DCC: variants seen among roughly 807,000 people sequenced by gnomAD.
DCC encodes the protein DCC netrin 1 receptor.
A neutral mutation model predicts 172.5 loss-of-function variants in DCC; 58 were observed. The ratio of observed to expected loss-of-function variants is 0.34; its 90% CI spans 0.27 to 0.42. DCC has a LOEUF of 0.42. Among genes scored for constraint, DCC ranks in the 10% least tolerant of loss-of-function variants. DCC has a pLI of 1.00. For missense variants in DCC, 1,740 were observed against 1,791.0 expected (o/e 0.97, Z 0.51); for synonymous variants, 709 against 644.5 (o/e 1.10, Z -1.52).
intron 1 of DCC, among the ~76,000 whole-genome samples, chr18:52,401,484 A>G (rs1986439159): frequency 6.6e-6 from 1 of 152,056 alleles, no homozygotes; most frequent in South Asian, 2.1e-4. Context: ...CTGGCAATGC[A>G]GAGAAACCAC....
At chr18:53,399,494 G>T (rs1327292596) in intron 18 of DCC, among the ~76,000 whole-genome samples, 1 of 152,120 alleles carries the variant, frequency 6.6e-6, no homozygotes, top group Non-Finnish European at 1.5e-5. Flanking sequence ...GCTGGACAGT[G>T]CAAGTAACAA....
In DCC at chr18:53,351,466, GTATATATA is replaced by G. The variant is rs58177961; in HGVS notation, c.2359+11576_2359+11583del. Among the ~76,000 whole-genome samples, 35 of 37,290 alleles carry G rather than the reference GTATATATA, an allele frequency of 9.4e-4. 2 individuals are homozygous for G. Among genetic ancestry groups the G allele is most frequent in the African/African-American group, 3.3e-3 (28 of 8,586 alleles). The allele number at this position is 37,290 out of a possible 152,430, so 24.5% of individuals were successfully genotyped here. A position where few individuals can be genotyped will look rare whatever the true frequency, so the allele number is the denominator to read the frequency against. On this transcript the variant is annotated intron_variant, in intron 15 of 28. Coordinates refer to ENST00000442544, the MANE Select transcript of DCC (RefSeq NM_005215.4). ...GTGTATATATATATATACACAGTGT[GTATATATA>G]TATATATATATATATAGTGTGTATA...
At chr18:52,901,866 C>G (rs1227869792) in intron 2 of DCC, among the ~76,000 whole-genome samples, 1 of 152,182 alleles carries the variant, frequency 6.6e-6, no homozygotes, top group African/African-American at 2.4e-5. Context: ...AAAACATCCA[C>G]ATGAATGTAG....
chr18:53,465,813 G>A (rs2045613276), intron 24 of DCC, among the ~76,000 whole-genome samples: 1 of 151,916 alleles, frequency 6.6e-6, no homozygotes, highest in African/African-American at 2.4e-5. Flanking sequence ...TGCCCAGGCT[G>A]GAGTGTAGTG....
chr18:52,568,664 A>G (rs1486982451), intron 1 of DCC, among the ~76,000 whole-genome samples: 1 of 152,064 alleles, frequency 6.6e-6, no homozygotes, highest in African/African-American at 2.4e-5. Flanking sequence ...TATGTTTACT[A>G]TATGTCACTA....
At chr18:52,379,867 C>T (rs1985511704) in intron 1 of DCC, among the ~76,000 whole-genome samples, 2 of 152,014 alleles carry the variant, frequency 1.3e-5, no homozygotes, top group South Asian at 4.1e-4. Context: ...ATATAATGTC[C>T]CTGTCTTAAT....
At chr18:52,875,041 T>C (rs1342470980) in intron 2 of DCC, among the ~76,000 whole-genome samples, 2 of 152,016 alleles carry the variant, frequency 1.3e-5, no homozygotes, top group Non-Finnish European at 2.9e-5. Context: ...TCTGGGGTGT[T>C]TGGGCCAGAC....
At chr18:53,508,496 A>G (rs551980780) in intron 27 of DCC, among the ~76,000 whole-genome samples, 1 of 152,328 alleles carries the variant, frequency 6.6e-6, no homozygotes, top group Admixed American at 6.5e-5. Context: ...CCTGGCTAAG[A>G]CTGCATTTTT....
At chr18:53,455,555 C>T (rs1387816188) in intron 23 of DCC, among the ~76,000 whole-genome samples, 2 of 152,172 alleles carry the variant, frequency 1.3e-5, no homozygotes, top group Non-Finnish European at 2.9e-5. Flanking sequence ...CAGATAAATA[C>T]TTGCATGTCA....
At chr18:53,319,267 A>T (rs148750386) in intron 13 of DCC, among the ~76,000 whole-genome samples, 4 of 152,346 alleles carry the variant, frequency 2.6e-5, no homozygotes, top group African/African-American at 9.6e-5. Context: ...TAATAATATT[A>T]ACCTTTAATG....
intron 1 of DCC, among the ~76,000 whole-genome samples, chr18:52,554,745 G>C (rs1465450760): frequency 6.6e-6 from 1 of 152,062 alleles, no homozygotes; most frequent in Non-Finnish European, 1.5e-5. Flanking sequence ...GACATTTACA[G>C]ACCAATTAAA....
intron 1 of DCC, among the ~76,000 whole-genome samples, chr18:52,570,649 G>A (rs2033271844): frequency 6.6e-6 from 1 of 152,162 alleles, no homozygotes; most frequent in Non-Finnish European, 1.5e-5. Context: ...ATATTATGAT[G>A]TTTAGAATGG....
At chr18:52,849,787 A>C (rs2038947566) in intron 2 of DCC, among the ~76,000 whole-genome samples, 1 of 152,322 alleles carries the variant, frequency 6.6e-6, no homozygotes, top group Non-Finnish European at 1.5e-5. Context: ...TAGATTTCTT[A>C]TGTACTAGCT....
At chr18:53,356,744 C>T (rs1178335771) in intron 15 of DCC, among the ~76,000 whole-genome samples, 3 of 152,072 alleles carry the variant, frequency 2.0e-5, no homozygotes, top group Non-Finnish European at 4.4e-5. Flanking sequence ...TATCTGTAGA[C>T]CTCCAGAGCT....
intron 1 of DCC, among the ~76,000 whole-genome samples, chr18:52,724,744 T>C (rs1274817426): frequency 6.6e-6 from 1 of 152,158 alleles, no homozygotes; most frequent in Non-Finnish European, 1.5e-5. Flanking sequence ...CTTTCATTCA[T>C]CATGTCACTC....
At chr18:52,417,692 G>A (rs930702313) in intron 1 of DCC, among the ~76,000 whole-genome samples, 17 of 152,024 alleles carry the variant, frequency 1.1e-4, no homozygotes, top group African/African-American at 4.1e-4. Context: ...CATTCTTCAG[G>A]TAGTTCTCGA....
intron 7 of DCC, among the ~76,000 whole-genome samples, chr18:53,082,870 C>T (rs546579494): frequency 1.3e-5 from 2 of 151,902 alleles, no homozygotes; most frequent in South Asian, 2.1e-4. Flanking sequence ...TATGTTCTAC[C>T]TCCACTCCCT....
At chr18:53,061,808 G>A (rs1307861106) in intron 5 of DCC, among the ~76,000 whole-genome samples, 3 of 152,094 alleles carry the variant, frequency 2.0e-5, no homozygotes, top group Non-Finnish European at 4.4e-5. Context: ...AATAGAACCT[G>A]CTTCAGGTAG....
At chr18:52,405,875 G>T (rs1472004948) in intron 1 of DCC, among the ~76,000 whole-genome samples, 1 of 151,654 alleles carries the variant, frequency 6.6e-6, no homozygotes, top group Non-Finnish European at 1.5e-5. Context: ...TCAATCCTAA[G>T]CCAAAAGAAC....
Sources: gnomAD v4.1 joint callset for allele counts (sites outside exome capture counted in the v4.1 genomes callset) on GRCh38, gnomAD v4.1.1 for gene constraint, MANE v1.5 for transcripts, NCBI Gene and HGNC (gene_info 2026-07-23, HGNC 2026-07-21) for gene names.